The following SMG5 variants were observed in gnomAD, a reference collection of about 807,000 sequenced individuals.
SMG5 encodes nonsense-mediated mRNA decay factor SMG5.
In SMG5, 53 loss-of-function variants were observed where a neutral mutation model predicts 122.9. The ratio of observed to expected loss-of-function variants is 0.43; its 90% CI spans 0.35 to 0.54. The LOEUF (loss-of-function observed/expected upper bound fraction) is 0.54. Among genes scored for constraint, SMG5 ranks in the 20% least tolerant of loss-of-function variants. The pLI, the probability that SMG5 is intolerant of heterozygous loss-of-function variation, is 0.01. For missense variants in SMG5, 1,153 were observed against 1,285.6 expected, an observed-to-expected ratio of 0.90 and a Z score of 1.58; for synonymous variants, 477 against 490.2, an observed-to-expected ratio of 0.97 and a Z score of 0.35.
At chr1:156,263,117 C>A (rs867989605) in intron 13 of SMG5, among the ~76,000 whole-genome samples, 1 of 152,184 alleles carries the variant, frequency 6.6e-6, no homozygotes, top group Non-Finnish European at 1.5e-5. Flanking sequence ...ATACTTCTAC[C>A]GGCATTACTC....
At chr1:156,259,333 T>C (rs953137148) in intron 15 of SMG5, among the ~76,000 whole-genome samples, 170 bp from the exon 16 acceptor site, 1 of 148,704 alleles carries the variant, frequency 6.7e-6, no homozygotes, top group African/African-American at 2.5e-5. Flanking sequence ...GGAGAAACAC[T>C]AAGGCCCAGA....
At chr1:156,286,364 G>A (rs376555162), upstream of SMG5, 129 of 1,614,208 alleles carry the variant, frequency 8.0e-5, 1 homozygote, top group South Asian at 1.2e-3. Flanking sequence ...GGCCCAGTCG[G>A]TCCAGCTCTT....
chr1:156,271,642 C>T (rs919043633), intron 7 of SMG5, among the ~76,000 whole-genome samples: 11 of 134,712 alleles, frequency 8.2e-5, no homozygotes, highest in Non-Finnish European at 1.2e-4. Context: ...GGCATGATCT[C>T]GGCTCACTGC....
chr1:156,260,089 A>AT (rs1661750181), intron 15 of SMG5, among the ~76,000 whole-genome samples: 1 of 152,146 alleles, frequency 6.6e-6, no homozygotes, highest in African/African-American at 2.4e-5. Context: ...CTAACTTTCT[A>AT]TGATTGTTTG....
Position 156,249,842 on chromosome 1 carries a change from C to G in SMG5, c.*745G>C, listed in dbSNP as rs558787524. The stretch of plus-strand genomic sequence containing the variant: ...CTGTGGGGCTGGTGGGCACAGGAGA[C>G]CGTGCTGGCACAGGCCAGACTGCCT... On this transcript the variant is annotated 3_prime_UTR_variant, in exon 22 of 22. Coordinates refer to ENST00000361813, the MANE Select transcript of SMG5 (RefSeq NM_015327.3). 19 of 471,248 alleles carry G rather than the reference C, an allele frequency of 4.0e-5. 1 individual carries two copies. The highest frequency in any genetic ancestry group is 2.9e-4 in the South Asian group (19 of 64,576). 29.2% of individuals were successfully genotyped at this position (471,248 alleles called of 1,614,324 possible).
At chr1:156,264,778 C>A (rs1662038884) in intron 12 of SMG5, among the ~76,000 whole-genome samples, 1 of 152,130 alleles carries the variant, frequency 6.6e-6, no homozygotes, top group South Asian at 2.1e-4. Flanking sequence ...GTAATCCCAG[C>A]ACTTTGGGAG....
rs1271941327 is a variant in SMG5, at chr1:156,273,451, C to T, written c.545-1G>A. ...CCAGCTAATTCATTCTGATATCGGGCTGCACAAGAGAGAAAACGAAGGGAA... is the reference window on the plus strand; with the variant it reads ...CCAGCTAATTCATTCTGATATCGGGTTGCACAAGAGAGAAAACGAAGGGAA... On this transcript the variant is annotated splice_acceptor_variant, in intron 5 of 21. Coordinates refer to ENST00000361813, the MANE Select transcript of SMG5 (RefSeq NM_015327.3). LOFTEE classifies it high-confidence loss of function. 1 of 1,613,670 alleles carries T rather than the reference C, an allele frequency of 6.2e-7. No individual in the cohort carries two copies. The highest frequency in any genetic ancestry group is 2.2e-5 in the East Asian group (1 of 44,866).
chr1:156,282,491 T>G, intron 1 of SMG5, 116 bp downstream of exon 1: 2 of 1,146,286 alleles, frequency 1.7e-6, no homozygotes, highest in African/African-American at 3.1e-5. Context: ...AATTGCACCC[T>G]CCTTCCTCAC....
At chr1:156,270,984 G>A (rs1662387859) in intron 7 of SMG5, among the ~76,000 whole-genome samples, 1 of 151,144 alleles carries the variant, frequency 6.6e-6, no homozygotes, top group Non-Finnish European at 1.5e-5. Context: ...TCCAGCCTGG[G>A]CAACAAGAGT....
In SMG5 at chr1:156,249,427, G is replaced by A. The variant is rs374551628; in HGVS notation, c.*1160C>T. On this transcript the variant is annotated 3_prime_UTR_variant, in exon 22 of 22. Coordinates refer to ENST00000361813, the MANE Select transcript of SMG5 (RefSeq NM_015327.3). The stretch of plus-strand genomic sequence containing the variant: ...CAGCAGAGCTGAGACCCTCCACCCC[G>A]AGCCCCTAGCCTGTGCTATCCTCCC... 34 of 309,114 alleles carry A rather than the reference G, an allele frequency of 1.1e-4. No homozygotes were observed. Among genetic ancestry groups the A allele is most frequent in the Middle Eastern group, 1.2e-3 (1 of 866 alleles). 19.1% of individuals were successfully genotyped at this position (309,114 alleles called of 1,614,324 possible).
At chr1:156,255,500 T>C (rs990388096) in intron 16 of SMG5, among the ~76,000 whole-genome samples, 4 of 151,458 alleles carry the variant, frequency 2.6e-5, no homozygotes, top group Non-Finnish European at 4.4e-5. Flanking sequence ...GATCACACCA[T>C]TGCACTCCAG....
chr1:156,289,863 G>A, the SMG5 span, among the ~76,000 whole-genome samples: 1 of 152,170 alleles, frequency 6.6e-6, no homozygotes, highest in African/African-American at 2.4e-5. Flanking sequence ...CGAAATCTGT[G>A]GCTGACCCAT....
chr1:156,286,067 C>T, upstream of SMG5: 2 of 1,529,724 alleles, frequency 1.3e-6, no homozygotes, highest in East Asian at 4.5e-5. Flanking sequence ...AGGAGGATTT[C>T]CCTTCACTTG....
chr1:156,267,600 G>C lies in SMG5; in HGVS notation c.987C>G (p.Ser329=). 6.2e-7 allele frequency: 1 copy of C among 1,614,016 alleles called. No individual in the cohort carries two copies. Among genetic ancestry groups the C allele is most frequent in the African/African-American group, 1.3e-5 (1 of 75,030 alleles). The change falls in exon 10 of 22, where the codon TCC becomes TCG. Residue 329 remains serine, a synonymous_variant. Transcript: ENST00000361813. The part of the protein sequence containing the change: ...DFNLCLFYLP[S]SPNLSLASED... Reference sequence around the variant, plus strand: ...CACTGGCCAGGCTGAGGTTGGGTGAGGAGGGCAGGTAGAAGAGGCAGAGGT... The same window carrying C: ...CACTGGCCAGGCTGAGGTTGGGTGACGAGGGCAGGTAGAAGAGGCAGAGGT...
At chr1:156,273,624 G>A (rs1662539618) in intron 5 of SMG5, among the ~76,000 whole-genome samples, 174 bp from the exon 6 acceptor site, 1 of 152,010 alleles carries the variant, frequency 6.6e-6, no homozygotes, top group African/African-American at 2.4e-5. Context: ...ATGACTATGG[G>A]CAAATTGTTC....
At chr1:156,252,682 GCAATTTAC>G (rs1490146480) in intron 18 of SMG5, 178 bp from the exon 19 acceptor site, 3 of 750,764 alleles carry the variant, frequency 4.0e-6, no homozygotes, top group Non-Finnish European at 6.3e-6. Flanking sequence ...AATATACTTG[GCAATTTAC>G]CAAGTGCTTT....
rs1376411165 is a variant in SMG5 at position 156,275,864 on chromosome 1, A to G, written c.455-1178T>C. The stretch of plus-strand genomic sequence containing the variant: ...GGTCTTGCTGTATTGCCCCGGCTGG[A>G]GTTCCAGCGATGAAATCATGGCTCA... On this transcript the variant is annotated intron_variant, in intron 4 of 21. Transcript: ENST00000361813. Among the ~76,000 whole-genome samples the G allele has an allele frequency of 1.4e-3, 205 of 145,522 alleles. 1 individual carries two copies. Among genetic ancestry groups the G allele is most frequent in the African/African-American group, 4.9e-3 (190 of 38,846 alleles).
chr1:156,283,053 T>G (rs918455933), upstream of SMG5: 2 of 443,142 alleles, frequency 4.5e-6, no homozygotes, highest in East Asian at 3.5e-5. Context: ...AAAGCTTAAC[T>G]GGATCAGGGC....
chr1:156,285,883 T>C, upstream of SMG5: 1 of 1,613,900 alleles, frequency 6.2e-7, no homozygotes, highest in Non-Finnish European at 8.5e-7. Context: ...ACGGGGCATA[T>C]GCCTTCCTGC....
Sources: allele counts gnomAD v4.1 joint callset (sites outside exome capture counted in the v4.1 genomes callset), GRCh38; gene constraint gnomAD v4.1.1; transcripts MANE v1.5; gene names NCBI Gene and HGNC (gene_info 2026-07-23, HGNC 2026-07-21).